Variants in FRY observed in about 807,000 individuals in gnomAD.
FRY encodes protein furry homolog.
A neutral mutation model predicts 348.4 loss-of-function variants in FRY; 128 were observed. The observed-to-expected ratio is 0.37, with a 90% CI of 0.32 to 0.43. The LOEUF is 0.43. Among genes scored for constraint, FRY ranks in the 20% least tolerant of loss-of-function variants. The pLI, the probability that FRY is intolerant of heterozygous loss-of-function variation, is 1.00. For missense variants in FRY, 2,736 were observed against 3,695.2 expected, an observed-to-expected ratio of 0.74 and a Z score of 6.73; for synonymous variants, 1,370 against 1,374.7, an observed-to-expected ratio of 1.00 and a Z score of 0.08.
At chr13:32,070,845 G>T (rs536971482) in intron 1 of FRY, among the ~76,000 whole-genome samples, 1 of 152,104 alleles carries the variant, frequency 6.6e-6, no homozygotes, top group Non-Finnish European at 1.5e-5. Context: ...ATGGTTTTAG[G>T]TCTAACATTT....
At chr13:32,134,360 G>A (rs553713637) in intron 8 of FRY, among the ~76,000 whole-genome samples, 1 of 152,162 alleles carries the variant, frequency 6.6e-6, no homozygotes, top group Non-Finnish European at 1.5e-5. Flanking sequence ...AGAGGGAAAC[G>A]TTCCTGACTT....
chr13:32,264,007 G>GA (rs887802102), intron 53 of FRY, among the ~76,000 whole-genome samples: 11 of 147,994 alleles, frequency 7.4e-5, no homozygotes, highest in Admixed American at 2.0e-4. Flanking sequence ...ACTCCATCTC[G>GA]AAAAAAAAAA....
chr13:32,180,829 A>G (rs2138247114), intron 23 of FRY, among the ~76,000 whole-genome samples: 1 of 152,212 alleles, frequency 6.6e-6, no homozygotes. Context: ...GATTAATAAG[A>G]TGTTTTAGAG....
chr13:32,052,126 G>T (rs1873363169), intron 1 of FRY, among the ~76,000 whole-genome samples: 1 of 152,170 alleles, frequency 6.6e-6, no homozygotes, highest in Non-Finnish European at 1.5e-5. Context: ...GGCATTTATT[G>T]AGTGTGCTGT....
At chr13:32,269,941 A>C (rs939801690) in intron 55 of FRY, among the ~76,000 whole-genome samples, 1 of 152,170 alleles carries the variant, frequency 6.6e-6, no homozygotes, top group Non-Finnish European at 1.5e-5. Context: ...GTGCTCTTTC[A>C]ACTTCTTCAA....
chr13:32,138,578 G>C (rs1450303870), intron 11 of FRY, among the ~76,000 whole-genome samples: 2 of 152,172 alleles, frequency 1.3e-5, no homozygotes, highest in Non-Finnish European at 2.9e-5. Context: ...GAGAGGAGCA[G>C]GCCTGGGCAC....
At chr13:32,032,025 T>TC (rs1376510845) in intron 1 of FRY, among the ~76,000 whole-genome samples, 160 bp downstream of exon 1, 2 of 86,364 alleles carry the variant, frequency 2.3e-5, no homozygotes, top group African/African-American at 8.3e-5. Context: ...TTCTTTCTTT[T>TC]TCTTTCTTTC....
chr13:32,074,710 G>C (rs1336001266), intron 1 of FRY, among the ~76,000 whole-genome samples: 2 of 152,148 alleles, frequency 1.3e-5, no homozygotes, highest in Non-Finnish European at 2.9e-5. Context: ...TTTTAATGGG[G>C]GTTTTTAATA....
intron 40 of FRY, among the ~76,000 whole-genome samples, chr13:32,229,346 A>T (rs997132340): frequency 6.6e-6 from 1 of 152,210 alleles, no homozygotes; most frequent in East Asian, 1.9e-4. Context: ...CAGTGAGTTA[A>T]GTCCTGGAAA....
At chr13:32,180,839 G>A (rs1882661917) in intron 23 of FRY, among the ~76,000 whole-genome samples, 1 of 152,090 alleles carries the variant, frequency 6.6e-6, no homozygotes, top group African/African-American at 2.4e-5. Flanking sequence ...ATGTTTTAGA[G>A]GCTATTGAAA....
intron 2 of FRY, among the ~76,000 whole-genome samples, chr13:32,098,971 A>G (rs952818648): frequency 1.3e-5 from 2 of 151,944 alleles, no homozygotes; most frequent in South Asian, 4.1e-4. Flanking sequence ...GACTTGCAGG[A>G]TAAGACCACC....
intron 31 of FRY, 149 bp downstream of exon 31, chr13:32,202,676 C>T (rs1203914258): frequency 6.7e-6 from 5 of 751,626 alleles, no homozygotes; most frequent in Non-Finnish European, 1.1e-5. Flanking sequence ...TGACCAGGCA[C>T]GATGCCACGC....
intron 57 of FRY, 151 bp from the exon 58 acceptor site, chr13:32,278,314 C>T: frequency 1.5e-6 from 1 of 646,688 alleles, no homozygotes; most frequent in Admixed American, 2.3e-5. Context: ...TCTTTAACCC[C>T]CAAATACGAC....
chr13:32,139,094 G>T (rs889369614), intron 11 of FRY, among the ~76,000 whole-genome samples: 1 of 152,154 alleles, frequency 6.6e-6, no homozygotes, highest in African/African-American at 2.4e-5. Context: ...AAATTGTATT[G>T]CATATATTTA....
At chr13:32,292,097 C>T (rs550594231) in intron 59 of FRY, 1 of 421,506 alleles carries the variant, frequency 2.4e-6, no homozygotes, top group African/African-American at 2.0e-5. Context: ...ATTCTCCTGC[C>T]TCAGCCTCCC....
chr13:32,278,583 G>A (rs774511240), intron 58 of FRY, 35 bp downstream of exon 58: 2 of 1,081,714 alleles, frequency 1.8e-6, no homozygotes, highest in Non-Finnish European at 2.9e-6. Context: ...TCTCTTGTGT[G>A]CTCTAACATT....
At chr13:32,278,323 A>T in intron 57 of FRY, 142 bp from the exon 58 acceptor site, 7 of 667,310 alleles carry the variant, frequency 1.0e-5, no homozygotes, top group Non-Finnish European at 1.7e-5. Context: ...CCCAAATACG[A>T]CCCTTTTCAA....
chr13:32,095,341 T>A (rs1876621583), intron 2 of FRY, among the ~76,000 whole-genome samples: 1 of 37,228 alleles, frequency 2.7e-5, no homozygotes, highest in Non-Finnish European at 6.1e-5. Context: ...TGGAAGCTTT[T>A]TTTTTTTTTT....
At chr13:32,073,856 A>C (rs958837973) in intron 1 of FRY, among the ~76,000 whole-genome samples, 1 of 152,196 alleles carries the variant, frequency 6.6e-6, no homozygotes, top group African/African-American at 2.4e-5. Flanking sequence ...GAGGACGCTC[A>C]TTTCATTTCA....
Sources: allele counts gnomAD v4.1 joint callset (sites outside exome capture counted in the v4.1 genomes callset), GRCh38; gene constraint gnomAD v4.1.1; transcripts MANE v1.5; gene names NCBI Gene and HGNC (gene_info 2026-07-23, HGNC 2026-07-21).